Variants in MTA3 observed in about 807,000 individuals in gnomAD.
The protein encoded by MTA3 is metastasis associated 1 family member 3.
MTA3 carries 34 observed loss-of-function variants against 83.5 expected under a neutral mutation model. That is an observed-to-expected ratio of 0.41 (90% confidence interval 0.31 to 0.54). MTA3 has a LOEUF of 0.54. Ranked by LOEUF, MTA3 falls within the 20% of genes least tolerant of loss-of-function variation. The pLI, the probability that MTA3 is intolerant of heterozygous loss-of-function variation, is 0.33. For synonymous variants in MTA3, 303 were observed against 252.7 expected (o/e 1.20, Z -1.89); for missense variants, 761 against 726.4 (o/e 1.05, Z -0.55).
chr2:42,525,629 T>G (rs140524503), intron 2 of MTA3, among the ~76,000 whole-genome samples: 1 of 99,554 alleles, frequency 1.0e-5, no homozygotes, highest in Admixed American at 9.7e-5. Context: ...CTTCCTACTT[T>G]CTTTCTTTCT....
In MTA3 at chr2:42,754,380, C is replaced by T. The variant is rs1670098417; in HGVS notation, c.*981C>T. 2.0e-6 allele frequency: 2 copies of T among 985,386 alleles called. No individual in the cohort carries two copies. The highest frequency in any genetic ancestry group is 1.7e-5 in the African/African-American group (1 of 57,216). The allele number at this position is 985,386 out of a possible 1,614,324, so 61.0% of individuals were successfully genotyped here. The stretch of plus-strand genomic sequence containing the variant: ...TGTGTGGCCAACCCCATGACCCCCA[C>T]CCCTCCAGCCCAACATCTTGTGAGC... On this transcript the variant is annotated 3_prime_UTR_variant, in exon 17 of 17. Coordinates refer to ENST00000405094, the MANE Select transcript of MTA3 (RefSeq NM_001330442.2).
chr2:42,721,190 C>G (rs1667384087), intron 15 of MTA3, among the ~76,000 whole-genome samples: 1 of 151,952 alleles, frequency 6.6e-6, no homozygotes, highest in Non-Finnish European at 1.5e-5. Context: ...TGGGTAAGAC[C>G]TTGCCCTCAA....
In MTA3 at chr2:42,756,611, G is replaced by C. The variant is rs1437576412; in HGVS notation, c.*3212G>C. 1.0e-6 allele frequency: 1 copy of C among 985,514 alleles called. No homozygotes were observed. 61.0% of individuals were successfully genotyped at this position (985,514 alleles called of 1,614,324 possible). A position where few individuals can be genotyped will look rare whatever the true frequency, so the allele number is the denominator to read the frequency against. Reference sequence around the variant, plus strand: ...GAGATTCTGTTTTACTCTGCCTAGAGAGGAAACGGCTTTGGGGAGGGAGGG... The same window carrying C: ...GAGATTCTGTTTTACTCTGCCTAGACAGGAAACGGCTTTGGGGAGGGAGGG... On this transcript the variant is annotated 3_prime_UTR_variant, in exon 17 of 17. Coordinates refer to ENST00000405094, the MANE Select transcript of MTA3 (RefSeq NM_001330442.2).
At position 42,616,259 on chromosome 2, in the gene MTA3, C is replaced by T. The variant is rs561948727; in HGVS notation, c.317+6675C>T. On this transcript the variant is annotated intron_variant, in intron 4 of 16. Coordinates refer to ENST00000405094, the MANE Select transcript of MTA3 (RefSeq NM_001330442.2). Reference sequence around the variant, plus strand: ...TGTATTTTTAGTTGAGACGGGGTTTCACCATGTTGGCCAGGCTGGCCTCGA... The same window carrying T: ...TGTATTTTTAGTTGAGACGGGGTTTTACCATGTTGGCCAGGCTGGCCTCGA... 5.3e-5 allele frequency among the ~76,000 whole-genome samples: 8 copies of T among 152,094 alleles called. No individual in the cohort carries two copies. In the East Asian group the frequency reaches 1.2e-3, roughly 22 times the overall value.
intron 8 of MTA3, among the ~76,000 whole-genome samples, chr2:42,665,026 A>G (rs1211058585): frequency 6.6e-6 from 1 of 152,228 alleles, no homozygotes; most frequent in East Asian, 1.9e-4. Flanking sequence ...CATAATTGTT[A>G]AAAAACATTG....
In MTA3 at chr2:42,708,015, G is replaced by T. The variant is rs1389149992; in HGVS notation, c.1263G>T (p.Gln421His). Residue 421 changes from glutamine to histidine, a missense_variant, in exon 13 of 17, where the codon CAG (glutamine) becomes CAT (histidine). By Grantham distance (24) the Gln-to-His change is conservative (BLOSUM62 0). Coordinates refer to ENST00000405094, the MANE Select transcript of MTA3 (RefSeq NM_001330442.2). ...KKYGGLKMPT[Q>H]SEEEKLSPSP... is the part of the protein sequence containing the mutation. Reference sequence around the variant, plus strand: ...ATGGAGGCTTGAAAATGCCCACCCAGTCAGAAGAAGAGAAGTTATCTCCTA... The same window carrying T: ...ATGGAGGCTTGAAAATGCCCACCCATTCAGAAGAAGAGAAGTTATCTCCTA... 3 of 1,613,016 alleles carry T rather than the reference G, an allele frequency of 1.9e-6. No homozygotes were observed. Among genetic ancestry groups the T allele is most frequent in the Non-Finnish European group, 2.5e-6 (3 of 1,179,672 alleles).
chr2:42,734,242 A>ACTG (rs1404686722), intron 16 of MTA3, among the ~76,000 whole-genome samples: 1 of 151,642 alleles, frequency 6.6e-6, no homozygotes, highest in Non-Finnish European at 1.5e-5. Context: ...TGTAATTGTT[A>ACTG]CTGCCTCTTA....
intron 16 of MTA3, among the ~76,000 whole-genome samples, chr2:42,725,139 C>T (rs1667719745): frequency 2.6e-5 from 4 of 152,238 alleles, no homozygotes; most frequent in Admixed American, 2.6e-4. Context: ...ATTTAATTCA[C>T]ATGACAGGAG....
At chr2:42,623,811 C>T (rs1440973038) in intron 4 of MTA3, among the ~76,000 whole-genome samples, 2 of 151,956 alleles carry the variant, frequency 1.3e-5, no homozygotes, top group Non-Finnish European at 2.9e-5. Flanking sequence ...CTGGCTCAGC[C>T]TCCCAAGTAC....
intron 4 of MTA3, among the ~76,000 whole-genome samples, chr2:42,628,171 C>T (rs1374812474): frequency 1.1e-4 from 16 of 151,944 alleles, no homozygotes; most frequent in Admixed American, 7.9e-4. Context: ...CTTGAGCCAC[C>T]GTGCCCGGCG....
At chr2:42,750,094 C>T (rs1177450478) in intron 16 of MTA3, among the ~76,000 whole-genome samples, 2 of 152,032 alleles carry the variant, frequency 1.3e-5, no homozygotes, top group African/African-American at 4.8e-5. Context: ...TGGGTTCAAG[C>T]GATTCTCCTG....
At chr2:42,596,183 C>T (rs1042911571) in intron 3 of MTA3, among the ~76,000 whole-genome samples, 1 of 152,122 alleles carries the variant, frequency 6.6e-6, no homozygotes, top group African/African-American at 2.4e-5. Context: ...GAGAACATAG[C>T]CCATGGCTTT....
At chr2:42,696,457 C>G (rs1693396104) in intron 10 of MTA3, among the ~76,000 whole-genome samples, 1 of 152,108 alleles carries the variant, frequency 6.6e-6, no homozygotes, top group Admixed American at 6.5e-5. Context: ...CCTGAAATGA[C>G]ATCGGTCAAT....
intron 3 of MTA3, among the ~76,000 whole-genome samples, chr2:42,600,358 T>C (rs1682409298): frequency 6.6e-6 from 1 of 152,210 alleles, no homozygotes; most frequent in Admixed American, 6.5e-5. Flanking sequence ...AGTGAAGTTA[T>C]AATCCTTTAC....
intron 2 of MTA3, 23 bp from the exon 3 acceptor site, chr2:42,579,084 C>T: frequency 6.5e-7 from 1 of 1,530,598 alleles, no homozygotes; most frequent in Non-Finnish European, 8.9e-7. Context: ...GTGCAAATGA[C>T]TTTTATTTTT....
chr2:42,686,477 A>T (rs1009028436), intron 9 of MTA3, among the ~76,000 whole-genome samples: 3 of 151,800 alleles, frequency 2.0e-5, no homozygotes, highest in African/African-American at 7.3e-5. Context: ...ACTTGAGCCC[A>T]GGAGTTTAAG....
rs1278897439 is a variant in MTA3 at position 42,718,977 on chromosome 2, T to G, written c.1526-11T>G. 2.6e-6 allele frequency: 4 copies of G among 1,545,020 alleles called. No individual in the cohort carries two copies. In the African/African-American group the frequency reaches 5.5e-5, roughly 21 times the overall value. On this transcript the variant is annotated splice_polypyrimidine_tract_variant and intron_variant, in intron 14 of 16. Coordinates refer to ENST00000405094, the MANE Select transcript of MTA3 (RefSeq NM_001330442.2). ...TTCATTGGTTATCTCCATGTTTCTT[T>G]CTCTCCTCAGATGCAGACAGACATG... is the stretch of plus-strand genomic sequence containing the variant.
At chr2:42,593,602 G>A (rs982297491) in intron 3 of MTA3, among the ~76,000 whole-genome samples, 3 of 152,170 alleles carry the variant, frequency 2.0e-5, no homozygotes, top group African/African-American at 7.2e-5. Context: ...TTGTTCATAT[G>A]TGTGGTTTGC....
intron 7 of MTA3, among the ~76,000 whole-genome samples, chr2:42,658,205 G>A (rs1008508939): frequency 6.0e-5 from 9 of 149,052 alleles, no homozygotes; most frequent in Non-Finnish European, 1.2e-4. Flanking sequence ...TCAAGATTTA[G>A]AACCAATACT....
Sources: gnomAD v4.1 joint callset for allele counts (sites outside exome capture counted in the v4.1 genomes callset) on GRCh38, gnomAD v4.1.1 for gene constraint, MANE v1.5 for transcripts, NCBI Gene and HGNC (gene_info 2026-07-23, HGNC 2026-07-21) for gene names.